Variants in SLC13A3 observed in about 807,000 individuals in gnomAD.
SLC13A3 encodes the protein solute carrier family 13 member 3.
A neutral mutation model predicts 59.0 loss-of-function variants in SLC13A3; 40 were observed. That is an observed-to-expected ratio of 0.68 (90% CI 0.53 to 0.88). The LOEUF (loss-of-function observed/expected upper bound fraction) is 0.88. Ranked by LOEUF, SLC13A3 falls within the 40% of genes least tolerant of loss-of-function variation. The pLI is 0.00. For missense variants in SLC13A3, 699 were observed against 783.2 expected, an observed-to-expected ratio of 0.89 and a Z score of 1.28; for synonymous variants, 317 against 330.3, an observed-to-expected ratio of 0.96 and a Z score of 0.44.
At chr20:46,625,727 G>A (rs1049770487) in intron 1 of SLC13A3, among the ~76,000 whole-genome samples, 3 of 152,238 alleles carry the variant, frequency 2.0e-5, no homozygotes, top group Middle Eastern at 6.8e-3. Context: ...TCTGTCTCTG[G>A]CTGTCTTTTA....
Position 46,560,017 on chromosome 20 carries a change from G to T in SLC13A3, c.*5C>A, listed in dbSNP as rs969564376. 6.2e-7 allele frequency: 1 copy of T among 1,613,478 alleles called. No individual in the cohort carries two copies. ...TTCAGCCTCAAGGGAGTCCTCCAGGGGGACTCAGAGGGTCCGAAATGTGTC... is the reference window on the plus strand; with the variant it reads ...TTCAGCCTCAAGGGAGTCCTCCAGGTGGACTCAGAGGGTCCGAAATGTGTC... On this transcript the variant is annotated 3_prime_UTR_variant, in exon 13 of 13. Transcript: ENST00000279027.
chr20:46,665,580 A>G (rs1049301246), intron 1 of SLC13A3, among the ~76,000 whole-genome samples: 2 of 152,142 alleles, frequency 1.3e-5, no homozygotes, highest in East Asian at 3.8e-4. Flanking sequence ...TTGGTACTAC[A>G]TTTCTTTTTA....
chr20:46,673,224 G>A (rs1296079161), upstream of SLC13A3, among the ~76,000 whole-genome samples: 1 of 152,180 alleles, frequency 6.6e-6, no homozygotes, highest in Non-Finnish European at 1.5e-5. Flanking sequence ...ACAGGACCAG[G>A]TACCTATCAA....
At chr20:46,675,017 T>C (rs1405168883), upstream of SLC13A3, among the ~76,000 whole-genome samples, 9 of 152,100 alleles carry the variant, frequency 5.9e-5, no homozygotes, top group Admixed American at 1.3e-4. Context: ...GAGGCAGCCA[T>C]GTGGCGATCA....
upstream of SLC13A3, among the ~76,000 whole-genome samples, chr20:46,653,773 T>C (rs2062967160): frequency 6.6e-6 from 1 of 152,226 alleles, no homozygotes; most frequent in African/African-American, 2.4e-5. Flanking sequence ...GCATGTGTCA[T>C]AATTCCTTTT....
At chr20:46,584,343 A>G in intron 8 of SLC13A3, 1 of 985,448 alleles carries the variant, frequency 1.0e-6, no homozygotes, top group Non-Finnish European at 1.2e-6. Context: ...TGTAAATTGT[A>G]TTTTTAAAGT....
chr20:46,631,698 C>T (rs1045906634), intron 1 of SLC13A3, among the ~76,000 whole-genome samples: 1 of 152,106 alleles, frequency 6.6e-6, no homozygotes, highest in African/African-American at 2.4e-5. Flanking sequence ...AATCCCCCCA[C>T]CAAAGAAATC....
chr20:46,588,904 G>A (rs2062223507), intron 7 of SLC13A3, among the ~76,000 whole-genome samples: 1 of 152,202 alleles, frequency 6.6e-6, no homozygotes, highest in African/African-American at 2.4e-5. Flanking sequence ...GGGAAACGGT[G>A]CCTTGGGTGG....
chr20:46,675,527 C>T (rs1337109443), intron 1 of SLC13A3, among the ~76,000 whole-genome samples: 2 of 150,016 alleles, frequency 1.3e-5, no homozygotes, highest in Non-Finnish European at 3.0e-5. Context: ...ATTACAGGCA[C>T]GAGCAACCAT....
At chr20:46,566,615 A>C in intron 10 of SLC13A3, 70 of 435,022 alleles carry the variant, frequency 1.6e-4, no homozygotes, top group East Asian at 3.0e-4. Context: ...ACTCTATCTC[A>C]TACAGGCCAG....
chr20:46,621,069 TG>T (rs1229618228), intron 1 of SLC13A3, among the ~76,000 whole-genome samples: 1 of 152,220 alleles, frequency 6.6e-6, no homozygotes, highest in Non-Finnish European at 1.5e-5. Flanking sequence ...GCAACATTTT[TG>T]GGGGGATGCT....
chr20:46,635,721 C>A (rs2062789177), intron 1 of SLC13A3, among the ~76,000 whole-genome samples: 1 of 152,164 alleles, frequency 6.6e-6, no homozygotes, highest in Admixed American at 6.5e-5. Flanking sequence ...GGAAGTTAGG[C>A]AGCCTAAGTC....
chr20:46,653,122 T>A (rs752715618), upstream of SLC13A3, among the ~76,000 whole-genome samples: 1 of 152,226 alleles, frequency 6.6e-6, no homozygotes, highest in African/African-American at 2.4e-5. Flanking sequence ...TACAGTTGAG[T>A]TTTGAAAGTT....
intron 3 of SLC13A3, among the ~76,000 whole-genome samples, chr20:46,603,310 G>A (rs3092466): frequency 0.71 from 107,716 of 152,128 alleles, 39,528 homozygotes; most frequent in African/African-American, 0.91. Flanking sequence ...CTGCCATAGG[G>A]GCAGAAAATC....
chr20:46,652,692 G>T (rs966320491), upstream of SLC13A3, among the ~76,000 whole-genome samples: 3 of 151,972 alleles, frequency 2.0e-5, no homozygotes, highest in South Asian at 2.1e-4. Flanking sequence ...ACCACGCCCG[G>T]CCGTTATTCT....
intron 3 of SLC13A3, chr20:46,608,904 AT>A: frequency 3.2e-6 from 5 of 1,550,738 alleles, no homozygotes; most frequent in Non-Finnish European, 4.4e-6. Context: ...TCATATTCAC[AT>A]TCCACCCGGC....
At chr20:46,577,864 T>A (rs879602829) in intron 9 of SLC13A3, among the ~76,000 whole-genome samples, 13 of 152,218 alleles carry the variant, frequency 8.5e-5, no homozygotes, top group Non-Finnish European at 1.8e-4. Flanking sequence ...GAGCCTCGAT[T>A]TCCTCTTCTG....
chr20:46,583,307 T>G, intron 9 of SLC13A3: 1 of 910,874 alleles, frequency 1.1e-6, no homozygotes, highest in Non-Finnish European at 1.4e-6. Context: ...CATTTAAAAA[T>G]CTGAAAACTG....
chr20:46,656,267 T>C (rs1012001431), upstream of SLC13A3, among the ~76,000 whole-genome samples: 34 of 136,658 alleles, frequency 2.5e-4, no homozygotes, highest in Non-Finnish European at 4.8e-4. Flanking sequence ...TTATATAGAC[T>C]GTACAGTATA....
Sources: allele counts gnomAD v4.1 joint callset (sites outside exome capture counted in the v4.1 genomes callset), GRCh38; gene constraint gnomAD v4.1.1; transcripts MANE v1.5; gene names NCBI Gene and HGNC (gene_info 2026-07-23, HGNC 2026-07-21).